PACRG: variants seen among roughly 807,000 people sequenced by gnomAD.
PACRG encodes parkin coregulated.
In PACRG, 29 loss-of-function variants were observed where a neutral mutation model predicts 29.7. The ratio of observed to expected loss-of-function variants is 0.98; its 90% confidence interval spans 0.73 to 1.33. The LOEUF (loss-of-function observed/expected upper bound fraction) is 1.33. Ranked by LOEUF, PACRG falls within the 40% of genes most tolerant of loss-of-function variation. The pLI is 0.00. For missense variants in PACRG, 279 were observed against 316.2 expected (o/e 0.88, Z 0.89); for synonymous variants, 116 against 118.7 (o/e 0.98, Z 0.15).
At chr6:162,780,120 A>C (rs975346783) in intron 1 of PACRG, among the ~76,000 whole-genome samples, 1 of 152,216 alleles carries the variant, frequency 6.6e-6, no homozygotes, top group African/African-American at 2.4e-5. Context: ...TAACAGAGGC[A>C]GGGGAAAGAA....
intron 4 of PACRG, among the ~76,000 whole-genome samples, chr6:163,197,878 A>G (rs1041403030): frequency 6.6e-6 from 1 of 152,232 alleles, no homozygotes; most frequent in African/African-American, 2.4e-5. Context: ...CCCAGTAGAA[A>G]GTAGAAAGGA....
chr6:162,972,326 G>T (rs191082148), intron 2 of PACRG, among the ~76,000 whole-genome samples: 1 of 152,108 alleles, frequency 6.6e-6, no homozygotes, highest in Non-Finnish European at 1.5e-5. Flanking sequence ...CATCTGACTC[G>T]CACATGTAGC....
chr6:163,033,477 A>T (rs143894123), intron 2 of PACRG, among the ~76,000 whole-genome samples: 88 of 152,360 alleles, frequency 5.8e-4, no homozygotes, highest in African/African-American at 2.0e-3. Flanking sequence ...AGTTCTGAAG[A>T]TATTTTTATT....
chr6:163,155,826 C>T (rs1778288401), intron 4 of PACRG, among the ~76,000 whole-genome samples: 1 of 152,240 alleles, frequency 6.6e-6, no homozygotes, highest in African/African-American at 2.4e-5. Flanking sequence ...TTTGTGCCCA[C>T]GCACATCCTC....
chr6:162,959,757 A>G (rs4543347), intron 2 of PACRG, among the ~76,000 whole-genome samples: 23,676 of 152,094 alleles, frequency 0.16, 3,241 homozygotes, highest in African/African-American at 0.36. Context: ...GCTTGGACCA[A>G]GGTGCAGATG....
chr6:163,253,022 C>G (rs1782968435), intron 4 of PACRG, among the ~76,000 whole-genome samples: 1 of 152,116 alleles, frequency 6.6e-6, no homozygotes, highest in Non-Finnish European at 1.5e-5. Context: ...TCTGGCCAGG[C>G]ATGGTGGCTC....
chr6:163,314,555 G>A (rs1785571390), intron 4 of PACRG, among the ~76,000 whole-genome samples: 1 of 152,118 alleles, frequency 6.6e-6, no homozygotes, highest in Non-Finnish European at 1.5e-5. Flanking sequence ...AAGAAAGAGA[G>A]TCCCCGACTT....
chr6:163,203,606 A>C (rs1288888031), intron 4 of PACRG, among the ~76,000 whole-genome samples: 2 of 152,112 alleles, frequency 1.3e-5, no homozygotes, highest in Non-Finnish European at 2.9e-5. Context: ...TCAGCGCATC[A>C]CGCTGGCAGG....
At chr6:163,216,961 C>T (rs944588703) in intron 4 of PACRG, among the ~76,000 whole-genome samples, 2 of 152,212 alleles carry the variant, frequency 1.3e-5, no homozygotes, top group African/African-American at 4.8e-5. Flanking sequence ...ATCGTTTATA[C>T]TTGCTGTATC....
chr6:163,235,310 T>A (rs1782193530), intron 4 of PACRG, among the ~76,000 whole-genome samples: 1 of 152,210 alleles, frequency 6.6e-6, no homozygotes, highest in Admixed American at 6.5e-5. Context: ...TTCTTCTCCA[T>A]TGATAAAGCA....
chr6:163,276,851 T>A (rs918194462), intron 4 of PACRG, among the ~76,000 whole-genome samples: 1 of 152,208 alleles, frequency 6.6e-6, no homozygotes, highest in East Asian at 1.9e-4. Flanking sequence ...CCGTCAGAAC[T>A]GTGAGCAATA....
intron 4 of PACRG, among the ~76,000 whole-genome samples, chr6:163,120,460 T>G (rs1273938136): frequency 6.6e-6 from 1 of 152,028 alleles, no homozygotes. Context: ...AAGGATCCTA[T>G]TAGAGTTTGA....
chr6:163,223,115 C>G (rs186645774), intron 4 of PACRG, among the ~76,000 whole-genome samples: 223 of 152,236 alleles, frequency 1.5e-3, no homozygotes, highest in African/African-American at 4.8e-3. Context: ...GAACATTGAC[C>G]GGGCGCGATG....
At chr6:163,160,918 C>T (rs1778529508) in intron 4 of PACRG, among the ~76,000 whole-genome samples, 1 of 152,162 alleles carries the variant, frequency 6.6e-6, no homozygotes, top group Non-Finnish European at 1.5e-5. Context: ...TTCTGCTAGG[C>T]TTCTTGTAAA....
intron 2 of PACRG, among the ~76,000 whole-genome samples, chr6:162,835,812 T>C (rs918783041): frequency 6.6e-6 from 1 of 152,158 alleles, no homozygotes; most frequent in Admixed American, 6.6e-5. Flanking sequence ...CAACAAAAAG[T>C]AATAACTCAC....
intron 4 of PACRG, among the ~76,000 whole-genome samples, chr6:163,109,475 C>T (rs524763): frequency 0.4 from 60,069 of 152,058 alleles, 13,288 homozygotes; most frequent in African/African-American, 0.59. Context: ...GCCACCAGTC[C>T]AAAAGAATGC....
At chr6:163,112,110 G>C (rs190155514) in intron 4 of PACRG, 297 of 877,016 alleles carry the variant, frequency 3.4e-4, no homozygotes, top group Admixed American at 1.1e-3. Flanking sequence ...AGATGGTAGA[G>C]TAAAAAGCAC....
chr6:162,741,564 G>A (rs568992100), intron 1 of PACRG, among the ~76,000 whole-genome samples: 3 of 152,082 alleles, frequency 2.0e-5, no homozygotes, highest in East Asian at 3.9e-4. Context: ...TGGCCTAAAG[G>A]CCCCATTCTC....
At chr6:162,933,833 C>G (rs896341013) in intron 2 of PACRG, among the ~76,000 whole-genome samples, 1 of 152,038 alleles carries the variant, frequency 6.6e-6, no homozygotes, top group African/African-American at 2.4e-5. Context: ...GCAAGGGCCT[C>G]AGGCTACTTT....
Sources: allele counts gnomAD v4.1 joint callset (sites outside exome capture counted in the v4.1 genomes callset), GRCh38; gene constraint gnomAD v4.1.1; transcripts MANE v1.5; gene names NCBI Gene and HGNC (gene_info 2026-07-23, HGNC 2026-07-21).